Variants in KATNAL1 observed in about 807,000 individuals in gnomAD.
KATNAL1 encodes the protein katanin p60 ATPase-containing subunit A-like 1.
In KATNAL1, 32 loss-of-function variants were observed where a neutral mutation model predicts 55.2. The observed-to-expected ratio is 0.58, with a 90% CI of 0.44 to 0.78. The LOEUF is 0.78. Among genes scored for constraint, KATNAL1 ranks in the 30% least tolerant of loss-of-function variants. The pLI is 0.00. For missense variants in KATNAL1, 466 were observed against 600.9 expected (o/e 0.78, Z 2.35); for synonymous variants, 193 against 193.6 (o/e 1.00, Z 0.02).
At chr13:30,298,107 T>G (rs1218867196) in intron 1 of KATNAL1, among the ~76,000 whole-genome samples, 1 of 152,246 alleles carries the variant, frequency 6.6e-6, no homozygotes, top group African/African-American at 2.4e-5. Flanking sequence ...TATAGTATAG[T>G]GTAAACGTAA....
chr13:30,245,227 CT>C (rs1334294365), intron 4 of KATNAL1, among the ~76,000 whole-genome samples: 4 of 152,186 alleles, frequency 2.6e-5, no homozygotes, highest in Admixed American at 6.5e-5. Context: ...GGCTTCACCC[CT>C]GGGATGCAGG....
At chr13:30,276,293 T>A (rs1880835388) in intron 3 of KATNAL1, among the ~76,000 whole-genome samples, 1 of 152,070 alleles carries the variant, frequency 6.6e-6, no homozygotes. Context: ...GACACAGAAG[T>A]AGAACTTCAA....
At chr13:30,255,312 T>C (rs1196364746) in intron 4 of KATNAL1, 135 bp downstream of exon 4, 2 of 643,754 alleles carry the variant, frequency 3.1e-6, no homozygotes, top group African/African-American at 1.9e-5. Context: ...CAAAGACTAC[T>C]TAGGCTTTGA....
intron 1 of KATNAL1, among the ~76,000 whole-genome samples, chr13:30,292,092 A>G (rs1209146408): frequency 2.0e-5 from 3 of 152,204 alleles, no homozygotes; most frequent in African/African-American, 7.2e-5. Flanking sequence ...AAAGGCAGAC[A>G]CAAAGATCAG....
chr13:30,254,034 CA>C lies in KATNAL1; in HGVS notation c.492+1412del, dbSNP rs1194700531. ...CTGTTTAATCACTTTGAACGGTGCC[CA>C]GCAAAGCAGCATCCAGTAAACCGTC... On this transcript the variant is annotated intron_variant, in intron 4 of 10. Coordinates refer to ENST00000380615, the MANE Select transcript of KATNAL1 (RefSeq NM_032116.5). 2.6e-5 allele frequency among the ~76,000 whole-genome samples: 4 copies of C among 152,192 alleles called. No homozygotes were observed. The East Asian group carries it at 7.7e-4, about 29-fold the overall frequency.
At chr13:30,238,013 G>A (rs1876861600) in intron 6 of KATNAL1, among the ~76,000 whole-genome samples, 1 of 152,128 alleles carries the variant, frequency 6.6e-6, no homozygotes, top group Middle Eastern at 3.4e-3. Context: ...TGAATTTTAA[G>A]CCTAAACTAC....
intron 1 of KATNAL1, among the ~76,000 whole-genome samples, chr13:30,290,799 T>C (rs995447549): frequency 6.6e-6 from 1 of 152,202 alleles, no homozygotes; most frequent in Non-Finnish European, 1.5e-5. Context: ...CCCCAAGAAT[T>C]CAAGATGGTT....
chr13:30,266,028 A>C (rs1879756148), intron 3 of KATNAL1, among the ~76,000 whole-genome samples: 1 of 150,004 alleles, frequency 6.7e-6, no homozygotes, highest in Admixed American at 6.6e-5. Flanking sequence ...AAAAAAAAAA[A>C]AAAAAAAAGT....
intron 1 of KATNAL1, among the ~76,000 whole-genome samples, chr13:30,299,248 T>A (rs1293416678): frequency 6.6e-6 from 1 of 152,172 alleles, no homozygotes; most frequent in African/African-American, 2.4e-5. Context: ...CCAGGCACCA[T>A]AAATTTTTAG....
chr13:30,268,364 AGAC>A (rs1399088158), intron 3 of KATNAL1, among the ~76,000 whole-genome samples: 2 of 152,252 alleles, frequency 1.3e-5, no homozygotes, highest in Non-Finnish European at 2.9e-5. Flanking sequence ...TGCCAGCTAT[AGAC>A]TACAAAATAA....
intron 3 of KATNAL1, among the ~76,000 whole-genome samples, chr13:30,262,048 C>T (rs989592898): frequency 1.3e-5 from 2 of 152,160 alleles, no homozygotes; most frequent in Non-Finnish European, 2.9e-5. Context: ...CAAACTAGAA[C>T]TCAGGATTAA....
intron 3 of KATNAL1, among the ~76,000 whole-genome samples, chr13:30,273,468 T>C (rs1004759356): frequency 2.0e-5 from 3 of 152,306 alleles, no homozygotes; most frequent in African/African-American, 4.8e-5. Context: ...TTCTAAAAAA[T>C]AGGGATGGTA....
At chr13:30,252,753 T>C (rs1878437528) in intron 4 of KATNAL1, among the ~76,000 whole-genome samples, 1 of 152,028 alleles carries the variant, frequency 6.6e-6, no homozygotes, top group African/African-American at 2.4e-5. Context: ...TTTCTTTTTT[T>C]TTTTTTTGAG....
chr13:30,262,311 A>G (rs909523623), intron 3 of KATNAL1, among the ~76,000 whole-genome samples: 1 of 152,154 alleles, frequency 6.6e-6, no homozygotes, highest in Non-Finnish European at 1.5e-5. Context: ...TAAAAGAACT[A>G]GAAAAGCAAG....
chr13:30,247,966 T>G (rs986164005), intron 4 of KATNAL1, among the ~76,000 whole-genome samples: 1 of 152,142 alleles, frequency 6.6e-6, no homozygotes, highest in Non-Finnish European at 1.5e-5. Flanking sequence ...GGCCCCACAT[T>G]TAATCTTACC....
intron 2 of KATNAL1, among the ~76,000 whole-genome samples, chr13:30,280,445 A>G (rs895877466): frequency 1.3e-5 from 2 of 152,220 alleles, no homozygotes; most frequent in African/African-American, 2.4e-5. Context: ...AAGTAGTTAT[A>G]TATCTTTCAT....
intron 6 of KATNAL1, among the ~76,000 whole-genome samples, chr13:30,235,126 A>G (rs956381191): frequency 3.9e-5 from 6 of 152,204 alleles, no homozygotes; most frequent in Non-Finnish European, 8.8e-5. Flanking sequence ...CTTAACTGGC[A>G]ATATTCTGTG....
rs967854510 is a variant in KATNAL1, at chr13:30,204,077, C to G, written c.*4463G>C. The G allele has an allele frequency of 6.6e-6, 1 of 152,150 alleles. No homozygotes were observed. The highest frequency in any genetic ancestry group is 2.4e-5 in the African/African-American group (1 of 41,432). 9.4% of individuals were successfully genotyped at this position (152,150 alleles called of 1,614,324 possible). On this transcript the variant is annotated 3_prime_UTR_variant, in exon 11 of 11. Coordinates refer to ENST00000380615, the MANE Select transcript of KATNAL1 (RefSeq NM_032116.5). ...TAATTTCTGCTTTTTCCTATTGTGA[C>G]ATATTCTCAGGTTCACACAAATATT...
Position 30,230,460 on chromosome 13 carries a change from T to C in KATNAL1, c.1012+8A>G, listed in dbSNP as rs773253383. Reference sequence around the variant, plus strand: ...AGAGTTTTGAAACAATAATTAAATATCAATTACCATCCATCTGAATGAGCA... The same window carrying C: ...AGAGTTTTGAAACAATAATTAAATACCAATTACCATCCATCTGAATGAGCA... On this transcript the variant is annotated splice_region_variant and intron_variant, in intron 8 of 10. Coordinates refer to ENST00000380615, the MANE Select transcript of KATNAL1 (RefSeq NM_032116.5). 2 of 1,602,352 alleles carry C rather than the reference T, an allele frequency of 1.2e-6. No individual in the cohort carries two copies. Among genetic ancestry groups the C allele is most frequent in the Non-Finnish European group, 1.7e-6 (2 of 1,176,432 alleles).
Sources: allele counts gnomAD v4.1 joint callset (sites outside exome capture counted in the v4.1 genomes callset), GRCh38; gene constraint gnomAD v4.1.1; transcripts MANE v1.5; gene names NCBI Gene and HGNC (gene_info 2026-07-23, HGNC 2026-07-21).